The following SLC8A3 variants were observed in gnomAD, a reference collection of about 807,000 sequenced individuals.
The protein encoded by SLC8A3 is solute carrier family 8 member A3.
Under a neutral mutation model 65.4 loss-of-function variants are expected in SLC8A3, and 37 were observed. The ratio of observed to expected loss-of-function variants is 0.57; its 90% CI spans 0.44 to 0.74. The LOEUF is 0.74. Ranked by LOEUF, SLC8A3 falls within the 30% of genes least tolerant of loss-of-function variation. The pLI, the probability that SLC8A3 is intolerant of heterozygous loss-of-function variation, is 0.00. For missense variants in SLC8A3, 1,112 were observed against 1,172.1 expected, an observed-to-expected ratio of 0.95 and a Z score of 0.75; for synonymous variants, 461 against 444.5, an observed-to-expected ratio of 1.04 and a Z score of -0.47.
intron 2 of SLC8A3, among the ~76,000 whole-genome samples, chr14:70,147,229 T>G (rs1221726501): frequency 2.0e-5 from 3 of 152,234 alleles, no homozygotes; most frequent in Non-Finnish European, 4.4e-5. Flanking sequence ...TATATACTTG[T>G]GTCTGCTATC....
chr14:70,166,908 A>C lies in SLC8A3; in HGVS notation c.1515T>G (p.Ser505Arg). The change falls in exon 2 of 7, where the codon AGT (serine) becomes AGG (arginine). Residue 505 changes from serine to arginine, a missense_variant. Ser to Arg is a moderately radical substitution (Grantham distance 110). Coordinates refer to ENST00000356921, the MANE Select transcript of SLC8A3 (RefSeq NM_182932.3). ...EEGMPPAIFN[S>R]LPLPRAVLAS... is the part of the protein sequence containing the mutation. ...CTAGGACAGCCCGAGGCAAGGGAAG[A>C]CTGTTGAATATTGCTGGAGGCATCC... 1 of 1,614,154 alleles carries C rather than the reference A, an allele frequency of 6.2e-7. No individual in the cohort carries two copies. The highest frequency in any genetic ancestry group is 8.5e-7 in the Non-Finnish European group (1 of 1,180,018).
At chr14:70,126,901 TC>T (rs1894494959) in intron 2 of SLC8A3, among the ~76,000 whole-genome samples, 1 of 143,770 alleles carries the variant, frequency 7.0e-6, no homozygotes, top group South Asian at 2.2e-4. Flanking sequence ...ATGCAAATAT[TC>T]AAAAAAAAAA....
At chr14:70,177,204 A>G (rs1897961769) in intron 1 of SLC8A3, among the ~76,000 whole-genome samples, 2 of 152,336 alleles carry the variant, frequency 1.3e-5, no homozygotes, top group South Asian at 4.1e-4. Context: ...TTATTGAATG[A>G]AGGAGTACAT....
intron 2 of SLC8A3, among the ~76,000 whole-genome samples, chr14:70,110,849 T>G (rs1893252027): frequency 6.6e-6 from 1 of 151,230 alleles, no homozygotes; most frequent in Non-Finnish European, 1.5e-5. Context: ...CCTGGCTAAT[T>G]TTTTGTATTT....
chr14:70,086,354 AT>A (rs553892637), intron 2 of SLC8A3, among the ~76,000 whole-genome samples: 3,686 of 150,972 alleles, frequency 0.024, 138 homozygotes, highest in African/African-American at 0.085. Flanking sequence ...TTAAAAAACA[AT>A]TTTTTTAATT....
At position 70,171,393 on chromosome 14, in the gene SLC8A3, C is replaced by T. The variant is rs74062831; in HGVS notation, c.-62-2909G>A. ...CTTTGTTTTCCTTTGGCCCTGTAGA[C>T]GCTTTGTGGCAACAGGTTTTTCTGG... On this transcript the variant is annotated intron_variant, in intron 1 of 6. Coordinates refer to ENST00000356921, the MANE Select transcript of SLC8A3 (RefSeq NM_182932.3). Among the ~76,000 whole-genome samples, 1,438 of 152,240 alleles carry T rather than the reference C, an allele frequency of 9.4e-3. 20 individuals carry two copies. Among genetic ancestry groups the T allele is most frequent in the African/African-American group, 0.032 (1,314 of 41,528 alleles).
intron 2 of SLC8A3, among the ~76,000 whole-genome samples, chr14:70,085,912 G>T (rs1891398669): frequency 6.6e-6 from 1 of 152,122 alleles, no homozygotes; most frequent in Non-Finnish European, 1.5e-5. Context: ...AAAAACTGAG[G>T]CACAAGAAGG....
intron 6 of SLC8A3, chr14:70,047,993 A>AGAAG (rs1196284334): frequency 1.3e-5 from 2 of 152,324 alleles, no homozygotes; most frequent in African/African-American, 4.8e-5. Flanking sequence ...CTCCACGTGG[A>AGAAG]GAAGGAAGCA....
chr14:70,135,060 C>A (rs1252358317), intron 2 of SLC8A3, among the ~76,000 whole-genome samples: 3 of 152,066 alleles, frequency 2.0e-5, no homozygotes, highest in Non-Finnish European at 4.4e-5. Flanking sequence ...AACAAATAAT[C>A]CACTTAAAAA....
intron 1 of SLC8A3, among the ~76,000 whole-genome samples, chr14:70,178,628 A>G (rs574503402): frequency 2.3e-4 from 35 of 152,356 alleles, no homozygotes; most frequent in Middle Eastern, 6.8e-3. Flanking sequence ...GCTACAAGAA[A>G]GCATGATGCT....
At chr14:70,056,998 C>T (rs1349141113) in intron 3 of SLC8A3, among the ~76,000 whole-genome samples, 2 of 152,096 alleles carry the variant, frequency 1.3e-5, no homozygotes, top group East Asian at 1.9e-4. Context: ...ACATATTCAA[C>T]GTGTAGTTGG....
Position 70,045,824 on chromosome 14 carries a change from TG to T in SLC8A3, c.*122del. 1 of 994,748 alleles carries T rather than the reference TG, an allele frequency of 1.0e-6. No individual in the cohort carries two copies. The highest frequency in any genetic ancestry group is 1.4e-6 in the Non-Finnish European group (1 of 697,478). The allele number at this position is 994,748 out of a possible 1,614,324, so 61.6% of individuals were successfully genotyped here. A position where few individuals can be genotyped will look rare whatever the true frequency, so the allele number is the denominator to read the frequency against. On this transcript the variant is annotated 3_prime_UTR_variant, in exon 7 of 7. Transcript: ENST00000356921. ...CAGGGCCTAAGTTGGGTGAAGTTCC[TG>T]GGGCTTAGGTCCTGATGCTGCCTCT... is the stretch of plus-strand genomic sequence containing the variant.
intron 1 of SLC8A3, among the ~76,000 whole-genome samples, chr14:70,182,919 G>C (rs1487284528): frequency 6.6e-6 from 1 of 152,156 alleles, no homozygotes; most frequent in East Asian, 1.9e-4. Context: ...GGAAATGAAG[G>C]GTTTTGTTTC....
chr14:70,070,287 TTAGA>T (rs1889887674), intron 2 of SLC8A3, among the ~76,000 whole-genome samples: 1 of 152,206 alleles, frequency 6.6e-6, no homozygotes, highest in Non-Finnish European at 1.5e-5. Context: ...AACTAACCTG[TTAGA>T]TAGGTAGAGG....
At chr14:70,150,207 A>G (rs73276786) in intron 2 of SLC8A3, among the ~76,000 whole-genome samples, 9,736 of 152,292 alleles carry the variant, frequency 0.064, 359 homozygotes, top group African/African-American at 0.095. Context: ...TAAACGTTTT[A>G]TATTGCATAA....
intron 2 of SLC8A3, among the ~76,000 whole-genome samples, chr14:70,074,085 T>C (rs1890259124): frequency 6.6e-6 from 1 of 152,340 alleles, no homozygotes; most frequent in Admixed American, 6.5e-5. Flanking sequence ...AGCTGCAGTG[T>C]TGCACAACTG....
intron 2 of SLC8A3, among the ~76,000 whole-genome samples, chr14:70,143,943 T>G (rs1200717593): frequency 6.6e-6 from 1 of 152,118 alleles, no homozygotes; most frequent in African/African-American, 2.4e-5. Flanking sequence ...TCCCTCTTCT[T>G]CCCCACAGTT....
chr14:70,055,978 G>T (rs959759133), intron 3 of SLC8A3, among the ~76,000 whole-genome samples: 2 of 152,200 alleles, frequency 1.3e-5, no homozygotes, highest in African/African-American at 4.8e-5. Context: ...AGCCTTTGGA[G>T]CATGCACAGA....
intron 3 of SLC8A3, among the ~76,000 whole-genome samples, chr14:70,059,784 G>A (rs76414907): frequency 6.6e-6 from 1 of 152,270 alleles, no homozygotes; most frequent in East Asian, 1.9e-4. Flanking sequence ...CTGTCTGTCA[G>A]GGATCAGCAC....
Sources: gnomAD v4.1 joint callset for allele counts (sites outside exome capture counted in the v4.1 genomes callset) on GRCh38, gnomAD v4.1.1 for gene constraint, MANE v1.5 for transcripts, NCBI Gene and HGNC (gene_info 2026-07-23, HGNC 2026-07-21) for gene names.